Variants in CSNK1G1 observed in about 807,000 individuals in gnomAD.
The protein encoded by CSNK1G1 is casein kinase 1 gamma 1, also known as casein kinase I isoform gamma-1.
Under a neutral mutation model 59.6 loss-of-function variants are expected in CSNK1G1, and 22 were observed. The ratio of observed to expected loss-of-function variants is 0.37; its 90% CI spans 0.26 to 0.53. The LOEUF is 0.53. Among genes scored for constraint, CSNK1G1 ranks in the 20% least tolerant of loss-of-function variants. The pLI, the probability that CSNK1G1 is intolerant of heterozygous loss-of-function variation, is 0.89. For synonymous variants in CSNK1G1, 179 were observed against 177.1 expected (o/e 1.01, Z -0.08); for missense variants, 384 against 519.5 (o/e 0.74, Z 2.54).
intron 2 of CSNK1G1, among the ~76,000 whole-genome samples, chr15:64,274,702 A>C (rs1262549566): frequency 1.3e-5 from 2 of 152,162 alleles, no homozygotes; most frequent in Non-Finnish European, 2.9e-5. Context: ...CTGCATGAAG[A>C]CTTCCTGTTT....
intron 1 of CSNK1G1, among the ~76,000 whole-genome samples, chr15:64,308,880 G>A (rs944559751): frequency 1.5e-5 from 2 of 134,400 alleles, no homozygotes; most frequent in Non-Finnish European, 3.2e-5. Flanking sequence ...CTGGGCGACA[G>A]AGTGAGACTC....
chr15:64,295,393 AT>A (rs1470346841), intron 2 of CSNK1G1, among the ~76,000 whole-genome samples: 1 of 152,190 alleles, frequency 6.6e-6, no homozygotes, highest in Non-Finnish European at 1.5e-5. Flanking sequence ...AAGCTGGCAC[AT>A]TTAGTCATCT....
chr15:64,239,080 C>T (rs2082659502), intron 4 of CSNK1G1, among the ~76,000 whole-genome samples: 1 of 152,178 alleles, frequency 6.6e-6, no homozygotes, highest in African/African-American at 2.4e-5. Flanking sequence ...TATCACTAAA[C>T]CTACCTGCAC....
At chr15:64,256,082 T>C (rs975108403) in intron 3 of CSNK1G1, among the ~76,000 whole-genome samples, 2 of 152,168 alleles carry the variant, frequency 1.3e-5, no homozygotes, top group African/African-American at 4.8e-5. Context: ...GATATTCCAC[T>C]GAATCACTAT....
In CSNK1G1 at chr15:64,176,160, T is replaced by C; in HGVS notation, c.1215-4175A>G. On this transcript the variant is annotated intron_variant, in intron 11 of 11. Coordinates refer to ENST00000303052, the MANE Select transcript of CSNK1G1 (RefSeq NM_022048.5). This position sits in a 1 kb window ranked among gnomAD's most constrained non-coding sequence, Gnocchi z 5.2. ...AGGGTGGTTATGGCACAAGGAGTCC[T>C]ATGGAAGCTATTTAATGTTCCTAAG... The C allele has an allele frequency of 5.0e-6, 2 of 398,402 alleles. No individual in the cohort carries two copies. The highest frequency in any genetic ancestry group is 8.8e-6 in the Non-Finnish European group (2 of 226,024). The allele number at this position is 398,402 out of a possible 1,614,324, so 24.7% of individuals were successfully genotyped here. A position where few individuals can be genotyped will look rare whatever the true frequency, so the allele number is the denominator to read the frequency against.
intron 4 of CSNK1G1, among the ~76,000 whole-genome samples, chr15:64,219,891 G>A (rs190224071): frequency 7.3e-4 from 107 of 147,062 alleles, no homozygotes; most frequent in African/African-American, 2.5e-3. Flanking sequence ...CTCGTGCCTC[G>A]GCCTCCCAAG....
chr15:64,240,658 C>A (rs148493495), intron 4 of CSNK1G1, among the ~76,000 whole-genome samples: 1 of 151,980 alleles, frequency 6.6e-6, no homozygotes, highest in East Asian at 1.9e-4. Context: ...AAAAAAAACT[C>A]TCAGCCAAAA....
At chr15:64,189,378 T>C (rs1390215318) in intron 10 of CSNK1G1, 2 of 1,266,212 alleles carry the variant, frequency 1.6e-6, no homozygotes, top group African/African-American at 1.5e-5. Context: ...ATCTTGCTCA[T>C]ATGTGACTTT....
chr15:64,285,125 T>C (rs1654104035), intron 2 of CSNK1G1, among the ~76,000 whole-genome samples: 3 of 152,252 alleles, frequency 2.0e-5, no homozygotes, highest in Non-Finnish European at 4.4e-5. Flanking sequence ...TGTTTATTGT[T>C]ATTTATTATT....
intron 10 of CSNK1G1, chr15:64,189,628 A>G (rs12442977): frequency 1.2e-5 from 4 of 324,974 alleles, no homozygotes; most frequent in African/African-American, 8.9e-5. Flanking sequence ...TAAATCTTAC[A>G]AATGTTCACA....
chr15:64,344,613 CTTAAT>C (rs1482014961), intron 1 of CSNK1G1, among the ~76,000 whole-genome samples: 9 of 152,146 alleles, frequency 5.9e-5, no homozygotes, highest in African/African-American at 1.7e-4. Flanking sequence ...ATAAGAAATA[CTTAAT>C]TTAAGTCCAC....
intron 2 of CSNK1G1, among the ~76,000 whole-genome samples, chr15:64,267,196 G>A (rs1335062462): frequency 1.4e-5 from 2 of 147,104 alleles, no homozygotes; most frequent in African/African-American, 5.1e-5. Flanking sequence ...GGAGGAGGTT[G>A]AAGTGAGCCA....
intron 2 of CSNK1G1, among the ~76,000 whole-genome samples, chr15:64,284,565 T>C (rs529313690): frequency 6.6e-6 from 1 of 152,230 alleles, no homozygotes; most frequent in East Asian, 1.9e-4. Flanking sequence ...ATTTTATTCT[T>C]GATGCTAATG....
intron 1 of CSNK1G1, among the ~76,000 whole-genome samples, chr15:64,304,119 G>T (rs2140409466): frequency 6.6e-6 from 1 of 152,122 alleles, no homozygotes; most frequent in Non-Finnish European, 1.5e-5. Context: ...CAGGAGCAGT[G>T]GCTCATGCCT....
intron 2 of CSNK1G1, among the ~76,000 whole-genome samples, chr15:64,294,912 C>T: frequency 2.0e-5 from 1 of 51,170 alleles, no homozygotes; most frequent in African/African-American, 6.6e-5. Flanking sequence ...AACTTCGTCT[C>T]AAAAAAAAAA....
intron 4 of CSNK1G1, among the ~76,000 whole-genome samples, chr15:64,246,279 T>C (rs892363410): frequency 2.0e-5 from 3 of 152,192 alleles, no homozygotes; most frequent in African/African-American, 7.2e-5. Flanking sequence ...TGGCTTTCTC[T>C]GCCCAATGAG....
intron 4 of CSNK1G1, among the ~76,000 whole-genome samples, chr15:64,237,079 A>G (rs934504409): frequency 2.6e-5 from 4 of 152,208 alleles, no homozygotes; most frequent in African/African-American, 9.7e-5. Context: ...ATAGGTTTAC[A>G]TGAATGTTGA....
Position 64,204,453 on chromosome 15 carries a change from A to G in CSNK1G1, c.987T>C (p.Val329=). ...AAAGGATACTTACAATAGGTCTCCC[A>G]ACCCAATCATAGGCATAGTCAAAGG... ...GYTFDYAYDW[V]GRPIPTPVGS... The change falls in exon 9 of 12, where the codon GTT becomes GTC. Residue 329 remains valine, a synonymous_variant. Transcript: ENST00000303052. The G allele has an allele frequency of 6.3e-7, 1 of 1,592,320 alleles. No individual in the cohort carries two copies. The highest frequency in any genetic ancestry group is 8.5e-7 in the Non-Finnish European group (1 of 1,173,752).
At chr15:64,189,257 A>G (rs2081938963) in intron 10 of CSNK1G1, 8 of 796,104 alleles carry the variant, frequency 1.0e-5, no homozygotes, top group Non-Finnish European at 1.1e-5. Flanking sequence ...TTCTTCTGGA[A>G]AGCAAAAGGA....
Sources: gnomAD v4.1 joint callset for allele counts (sites outside exome capture counted in the v4.1 genomes callset) on GRCh38, gnomAD v4.1.1 for gene constraint, Gnocchi (gnomAD v3.1) non-coding constraint, MANE v1.5 for transcripts, NCBI Gene and HGNC (gene_info 2026-07-23, HGNC 2026-07-21) for gene names.